Variants in TPH2 observed in about 807,000 individuals in gnomAD.
TPH2 encodes tryptophan 5-hydroxylase 2.
In TPH2, 27 loss-of-function variants were observed where a neutral mutation model predicts 59.1. The observed-to-expected ratio is 0.46, with a 90% CI of 0.34 to 0.63. TPH2 has a LOEUF of 0.63. Among genes scored for constraint, TPH2 ranks in the 30% least tolerant of loss-of-function variants. TPH2 has a pLI of 0.01. For synonymous variants in TPH2, 220 were observed against 210.5 expected (o/e 1.05, Z -0.39); for missense variants, 523 against 588.3 (o/e 0.89, Z 1.15).
chr12:71,955,403 G>A (rs1871464953), intron 5 of TPH2, among the ~76,000 whole-genome samples: 1 of 152,106 alleles, frequency 6.6e-6, no homozygotes, highest in South Asian at 2.1e-4. Context: ...CTAGACCAAA[G>A]GCATGGGGTT....
chr12:72,024,514 A>G (rs954410068), intron 9 of TPH2, among the ~76,000 whole-genome samples: 4 of 152,278 alleles, frequency 2.6e-5, no homozygotes, highest in Admixed American at 2.0e-4. Flanking sequence ...GCCCACAGCA[A>G]CAGCATAATG....
In TPH2 at chr12:71,944,671, T is replaced by G; in HGVS notation, c.525T>G (p.Leu175=). The G allele has an allele frequency of 6.2e-7, 1 of 1,613,892 alleles. No homozygotes were observed. The highest frequency in any genetic ancestry group is 8.5e-7 in the Non-Finnish European group (1 of 1,179,814). Residue 175 remains leucine (L), a synonymous_variant, in exon 4 of 11, where the codon CTT becomes CTG. Coordinates refer to ENST00000333850, the MANE Select transcript of TPH2 (RefSeq NM_173353.4). ...SHRVLMYGSE[L]DADHPGFKDN... ...GAGTTCTCATGTATGGTTCTGAGCT[T>G]GATGCTGACCACCCAGTAAGTGTCC...
chr12:71,958,440 A>G (rs556743009), intron 5 of TPH2, among the ~76,000 whole-genome samples: 29 of 152,228 alleles, frequency 1.9e-4, no homozygotes, highest in Non-Finnish European at 3.5e-4. Context: ...CATTTGTAAA[A>G]GTTATTCTCC....
intron 8 of TPH2, among the ~76,000 whole-genome samples, chr12:72,022,067 T>TA (rs1321991024): frequency 3.3e-5 from 5 of 152,318 alleles, no homozygotes; most frequent in African/African-American, 1.2e-4. Context: ...AGCATATTGT[T>TA]ACGGAGGTAT....
rs978737068 is a variant in TPH2, at chr12:71,995,662, T to A, written c.1068+1097T>A. 3.9e-5 allele frequency among the ~76,000 whole-genome samples: 6 copies of A among 152,126 alleles called. No individual in the cohort carries two copies. The East Asian group carries it at 1.2e-3, about 29-fold the overall frequency. ...GGGGTCAGTATGGAGATGAATAGGC[T>A]CTGGTGGGGGCTGTGGTGGACAAGG... On this transcript the variant is annotated intron_variant, in intron 8 of 10. Transcript: ENST00000333850.
intron 5 of TPH2, chr12:71,961,447 A>G (rs1871679750): frequency 9.6e-7 from 1 of 1,039,796 alleles, no homozygotes; most frequent in Non-Finnish European, 1.3e-6. Flanking sequence ...TCACTCTGAA[A>G]AAGATAGGGC....
rs147125940 is a variant in TPH2 at position 71,941,724 on chromosome 12, G to C, written c.246G>C (p.Arg82Ser). 3.5e-5 allele frequency: 57 copies of C among 1,613,854 alleles called. No homozygotes were observed. Among genetic ancestry groups the C allele is most frequent in the Non-Finnish European group, 4.5e-5 (53 of 1,179,890 alleles). ...NEVGGLVKAL[R>S]LFQEKRVNMV... is the part of the protein sequence containing the mutation. ...TTGGTGGATTGGTAAAAGCACTGAG[G>C]CTCTTTCAGGTGAATGTGAAATATC... The change falls in exon 2 of 11, where the codon AGG becomes AGC. Residue 82 changes from arginine to serine, a missense_variant. Coordinates refer to ENST00000333850, the MANE Select transcript of TPH2 (RefSeq NM_173353.4).
intron 6 of TPH2, among the ~76,000 whole-genome samples, chr12:71,973,870 AACCCAATGAAT>A (rs746530623): frequency 1.3e-5 from 2 of 152,136 alleles, no homozygotes; most frequent in African/African-American, 2.4e-5. Flanking sequence ...TACACTAGTG[AACCCAATGAAT>A]CATACAGTGA....
chr12:72,004,785 C>G (rs1371955768), intron 8 of TPH2, among the ~76,000 whole-genome samples: 1 of 152,128 alleles, frequency 6.6e-6, no homozygotes, highest in Non-Finnish European at 1.5e-5. Flanking sequence ...TTATATCAAA[C>G]TATAGGGATT....
chr12:72,011,490 G>A (rs1464047679), intron 8 of TPH2, among the ~76,000 whole-genome samples: 2 of 152,198 alleles, frequency 1.3e-5, no homozygotes, highest in East Asian at 3.9e-4. Flanking sequence ...GGGCAGTGAT[G>A]CTGATAGAAA....
At chr12:71,939,225 T>C in intron 1 of TPH2, 134 bp downstream of exon 1, 1 of 734,408 alleles carries the variant, frequency 1.4e-6, no homozygotes, top group Non-Finnish European at 2.4e-6. Flanking sequence ...CTGTCTACCC[T>C]GCTTTCCTCC....
intron 8 of TPH2, among the ~76,000 whole-genome samples, chr12:72,014,508 A>G (rs1228403036): frequency 1.3e-5 from 2 of 150,460 alleles, no homozygotes; most frequent in African/African-American, 4.9e-5. Flanking sequence ...CTCCTGCCTC[A>G]GCCTCCAGAG....
chr12:71,944,179 G>C, intron 2 of TPH2, 115 bp from the exon 3 acceptor site: 1 of 1,016,388 alleles, frequency 9.8e-7, no homozygotes, highest in Non-Finnish European at 1.5e-6. Flanking sequence ...CAAAGAGATT[G>C]TCTCTTCCTC....
intron 7 of TPH2, among the ~76,000 whole-genome samples, chr12:71,980,009 G>A (rs1872230875): frequency 6.6e-6 from 1 of 152,172 alleles, no homozygotes; most frequent in Admixed American, 6.5e-5. Context: ...GTGCTTCCAT[G>A]AAGTGCTAAT....
chr12:71,962,084 C>T lies in TPH2; in HGVS notation c.609-10435C>T, dbSNP rs559152089. The stretch of plus-strand genomic sequence containing the variant: ...TGGCCTAGGGGACTAGCTGAAAATG[C>T]GTTTATGCCTTTATGTTTACTCTAT... On this transcript the variant is annotated intron_variant, in intron 5 of 10. Transcript: ENST00000333850. 20 of 999,078 alleles carry T rather than the reference C, an allele frequency of 2.0e-5. No homozygotes were observed. The East Asian group carries it at 8.3e-4, about 41-fold the overall frequency. 61.9% of individuals were successfully genotyped at this position (999,078 alleles called of 1,614,324 possible). A position where few individuals can be genotyped will look rare whatever the true frequency, so the allele number is the denominator to read the frequency against.
At chr12:72,014,402 T>C (rs1282257091) in intron 8 of TPH2, among the ~76,000 whole-genome samples, 1 of 150,758 alleles carries the variant, frequency 6.6e-6, no homozygotes, top group Non-Finnish European at 1.5e-5. Context: ...TTTCTTTTTT[T>C]TTTTTTGAGA....
chr12:72,009,727 T>C (rs889035060), intron 8 of TPH2, among the ~76,000 whole-genome samples: 1 of 152,264 alleles, frequency 6.6e-6, no homozygotes, highest in African/African-American at 2.4e-5. Context: ...TGAAGGCACC[T>C]GCCCCAGGGC....
At chr12:71,941,773 G>C in intron 2 of TPH2, 40 bp downstream of exon 2, 1 of 1,578,438 alleles carries the variant, frequency 6.3e-7, no homozygotes, top group Non-Finnish European at 8.7e-7. Context: ...AAAAGTGACC[G>C]TGTGCCTGGG....
rs1873737854 is a variant in TPH2, at chr12:72,032,059, T to C, written c.*364T>C. On this transcript the variant is annotated 3_prime_UTR_variant, in exon 11 of 11. Coordinates refer to ENST00000333850, the MANE Select transcript of TPH2 (RefSeq NM_173353.4). ...ATCTAAGCCTTTCCTCTGTGTTCAT[T>C]AGATAAAATGAAAAAAAGCAGTGAA... 1 of 243,790 alleles carries C rather than the reference T, an allele frequency of 4.1e-6. No individual in the cohort carries two copies. The highest frequency in any genetic ancestry group is 5.0e-5 in the Admixed American group (1 of 19,982). 15.1% of individuals were successfully genotyped at this position (243,790 alleles called of 1,614,324 possible).
Sources: allele counts gnomAD v4.1 joint callset (sites outside exome capture counted in the v4.1 genomes callset), GRCh38; gene constraint gnomAD v4.1.1; transcripts MANE v1.5; gene names NCBI Gene and HGNC (gene_info 2026-07-23, HGNC 2026-07-21).